The following FRMD3 variants were observed in gnomAD, a reference collection of about 807,000 sequenced individuals.
FRMD3 encodes FERM domain-containing protein 3.
In FRMD3, 33 loss-of-function variants were observed where a neutral mutation model predicts 70.2. That is an observed-to-expected ratio of 0.47 (90% CI 0.36 to 0.63). FRMD3 has a LOEUF of 0.63. Among genes scored for constraint, FRMD3 ranks in the 20% least tolerant of loss-of-function variants. The pLI is 0.00. For synonymous variants in FRMD3, 279 were observed against 255.9 expected (o/e 1.09, Z -0.86); for missense variants, 632 against 711.4 (o/e 0.89, Z 1.27).
chr9:83,494,831 T>TTG (rs1828903109), intron 1 of FRMD3, among the ~76,000 whole-genome samples: 1 of 115,222 alleles, frequency 8.7e-6, no homozygotes, highest in African/African-American at 3.6e-5. Context: ...TTCTGTGCAT[T>TTG]TATGTGTGTG....
Position 83,382,983 on chromosome 9 carries a change from C to A in FRMD3, c.252+6621G>T, listed in dbSNP as rs991262253. ...CCCAAAACCTGTTCTCTTTCCTGTA[C>A]AACTTATTTGGTAAGTGGCTCCACC... On this transcript the variant is annotated intron_variant, in intron 2 of 13. Coordinates refer to ENST00000304195, the MANE Select transcript of FRMD3 (RefSeq NM_174938.6). Among the ~76,000 whole-genome samples the A allele has an allele frequency of 3.9e-5, 6 of 152,172 alleles. No homozygotes were observed. The South Asian group carries it at 1.2e-3, about 31-fold the overall frequency.
chr9:83,546,890 C>CAAAAAAAAAAAAAAAAAAA, the FRMD3 span, among the ~76,000 whole-genome samples: 1 of 64,148 alleles, frequency 1.6e-5, no homozygotes, highest in Non-Finnish European at 2.9e-5. Flanking sequence ...GACTCTGTCT[C>CAAAAAAAAAAAAAAAAAAA]AAAAAAAAAA....
the FRMD3 span, among the ~76,000 whole-genome samples, chr9:83,554,124 G>A: frequency 6.6e-6 from 1 of 152,186 alleles, no homozygotes; most frequent in African/African-American, 2.4e-5. Context: ...GGGTATATTT[G>A]TGAGGTATTT....
At chr9:83,472,865 T>C (rs1231135172) in intron 1 of FRMD3, among the ~76,000 whole-genome samples, 3 of 152,176 alleles carry the variant, frequency 2.0e-5, no homozygotes, top group Non-Finnish European at 4.4e-5. Flanking sequence ...ACATAATTTA[T>C]ACTTGCATAA....
At chr9:83,244,456 A>ACTT (rs1198591796), downstream of FRMD3, among the ~76,000 whole-genome samples, 10 of 151,484 alleles carry the variant, frequency 6.6e-5, no homozygotes, top group African/African-American at 1.9e-4. Context: ...GGCCTGGATG[A>ACTT]CTTCTGCAAA....
chr9:83,529,934 A>T (rs1829760718), intron 1 of FRMD3, among the ~76,000 whole-genome samples: 1 of 152,230 alleles, frequency 6.6e-6, no homozygotes, highest in Non-Finnish European at 1.5e-5. Context: ...AACCACAATG[A>T]GATCCCACTC....
intron 1 of FRMD3, among the ~76,000 whole-genome samples, chr9:83,483,186 A>G (rs1478215052): frequency 6.6e-6 from 1 of 152,148 alleles, no homozygotes; most frequent in Non-Finnish European, 1.5e-5. Flanking sequence ...AGTTCTCACA[A>G]GATCTGGTTG....
intron 1 of FRMD3, among the ~76,000 whole-genome samples, chr9:83,528,585 A>G (rs1829732232): frequency 6.6e-6 from 1 of 151,962 alleles, no homozygotes; most frequent in African/African-American, 2.4e-5. Flanking sequence ...GCTGGAGTGC[A>G]GTGGCACAGT....
the FRMD3 span, among the ~76,000 whole-genome samples, chr9:83,584,062 G>T: frequency 6.6e-6 from 1 of 152,148 alleles, no homozygotes; most frequent in African/African-American, 2.4e-5. Flanking sequence ...TTGGCCGGGC[G>T]TGGTGGCTCA....
At chr9:83,331,172 T>C (rs914979980) in intron 6 of FRMD3, among the ~76,000 whole-genome samples, 1 of 152,238 alleles carries the variant, frequency 6.6e-6, no homozygotes, top group African/African-American at 2.4e-5. Flanking sequence ...AGCAGCCTTA[T>C]TCATAATTGC....
the FRMD3 span, among the ~76,000 whole-genome samples, chr9:83,559,954 T>G: frequency 6.6e-6 from 1 of 152,174 alleles, no homozygotes; most frequent in African/African-American, 2.4e-5. Context: ...TACAGAGTTT[T>G]ATCACTAAGT....
intron 2 of FRMD3, among the ~76,000 whole-genome samples, chr9:83,384,893 G>A (rs1385051179): frequency 6.6e-6 from 1 of 152,118 alleles, no homozygotes; most frequent in Non-Finnish European, 1.5e-5. Context: ...CCTCCCTCCA[G>A]ACCATAAAGC....
the FRMD3 span, among the ~76,000 whole-genome samples, chr9:83,582,727 C>T: frequency 6.6e-6 from 1 of 152,106 alleles, no homozygotes; most frequent in East Asian, 1.9e-4. Flanking sequence ...TGGTGAGATG[C>T]TATATTTTTA....
chr9:83,271,222 G>A (rs1184560775), intron 13 of FRMD3, among the ~76,000 whole-genome samples: 1 of 152,148 alleles, frequency 6.6e-6, no homozygotes, highest in Non-Finnish European at 1.5e-5. Context: ...TCAGCCATTA[G>A]TTAAAATAGT....
intron 12 of FRMD3, among the ~76,000 whole-genome samples, chr9:83,293,262 T>C (rs1834518926): frequency 6.6e-6 from 1 of 152,184 alleles, no homozygotes; most frequent in African/African-American, 2.4e-5. Context: ...TTTTGAGCTC[T>C]CCTGGGATTT....
chr9:83,300,890 T>G (rs1047475820), intron 10 of FRMD3, among the ~76,000 whole-genome samples: 11 of 152,298 alleles, frequency 7.2e-5, no homozygotes, highest in African/African-American at 2.4e-4. Context: ...TGGTCCTTGT[T>G]AAGGATCTTG....
At chr9:83,319,599 T>G (rs1241872813) in intron 6 of FRMD3, among the ~76,000 whole-genome samples, 1 of 152,096 alleles carries the variant, frequency 6.6e-6, no homozygotes, top group Non-Finnish European at 1.5e-5. Flanking sequence ...TTTTTGTACT[T>G]TTAGTAGAGA....
the FRMD3 span, among the ~76,000 whole-genome samples, chr9:83,545,355 TG>T: frequency 3.2e-3 from 409 of 126,208 alleles, 3 homozygotes; most frequent in African/African-American, 0.01. Context: ...TGTTTTTTTT[TG>T]TTTTTTTTTT....
In FRMD3 at chr9:83,267,383, C is replaced by A; in HGVS notation, c.1196-18867G>T. On this transcript the variant is annotated intron_variant, in intron 13 of 13. Transcript: ENST00000304195. ...AAACAATGAAAGATTATGCATCATC[C>A]CTACTCTAGCCTTTCTAAACCTTCC... The A allele has an allele frequency of 4.4e-6, 5 of 1,141,436 alleles. No individual in the cohort carries two copies. The Admixed American group carries it at 1.7e-4, about 38-fold the overall frequency. The allele number at this position is 1,141,436 out of a possible 1,614,324, so 70.7% of individuals were successfully genotyped here. A position where few individuals can be genotyped will look rare whatever the true frequency, so the allele number is the denominator to read the frequency against.
Sources: allele counts gnomAD v4.1 joint callset (sites outside exome capture counted in the v4.1 genomes callset), GRCh38; gene constraint gnomAD v4.1.1; transcripts MANE v1.5; gene names NCBI Gene and HGNC (gene_info 2026-07-23, HGNC 2026-07-21).